PRKN: variants seen among roughly 807,000 people sequenced by gnomAD.
PRKN encodes E3 ubiquitin-protein ligase parkin.
PRKN carries 56 observed loss-of-function variants against 59.5 expected under a neutral mutation model. The ratio of observed to expected loss-of-function variants is 0.94; its 90% CI spans 0.76 to 1.18. The LOEUF (loss-of-function observed/expected upper bound fraction) is 1.18, where lower values mean the gene tolerates loss of function less well. Among genes scored for constraint, PRKN ranks in the 50% most tolerant of loss-of-function variants. The pLI, the probability that PRKN is intolerant of heterozygous loss-of-function variation, is 0.00. For missense variants in PRKN, 657 were observed against 596.4 expected (o/e 1.10, Z -1.06); for synonymous variants, 250 against 222.1 (o/e 1.13, Z -1.12).
intron 7 of PRKN, among the ~76,000 whole-genome samples, chr6:161,640,777 T>C (rs1183043528): frequency 6.6e-6 from 1 of 152,190 alleles, no homozygotes. Flanking sequence ...ACAGAATTGC[T>C]GTATTTTACA....
chr6:161,631,970 A>C (rs891626785), intron 7 of PRKN, among the ~76,000 whole-genome samples: 4 of 152,156 alleles, frequency 2.6e-5, no homozygotes, highest in Non-Finnish European at 5.9e-5. Flanking sequence ...GTCGTTAACT[A>C]TTTCTTGTTG....
intron 1 of PRKN, among the ~76,000 whole-genome samples, chr6:162,663,357 G>C (rs1371311507): frequency 6.6e-6 from 1 of 151,710 alleles, no homozygotes; most frequent in African/African-American, 2.4e-5. Context: ...TGTATGTGGG[G>C]ATGAGCACGT....
At chr6:161,846,986 C>A (rs1018510036) in intron 6 of PRKN, among the ~76,000 whole-genome samples, 4 of 152,100 alleles carry the variant, frequency 2.6e-5, no homozygotes, top group Non-Finnish European at 5.9e-5. Flanking sequence ...TTATTAATCT[C>A]ATCAGAGAGA....
At chr6:162,261,337 A>T (rs1779877622) in intron 3 of PRKN, among the ~76,000 whole-genome samples, 1 of 152,136 alleles carries the variant, frequency 6.6e-6, no homozygotes, top group Non-Finnish European at 1.5e-5. Context: ...AATAATACTT[A>T]TGCTAAAGTG....
chr6:161,773,669 C>T (rs926244298), intron 7 of PRKN, among the ~76,000 whole-genome samples: 1 of 152,126 alleles, frequency 6.6e-6, no homozygotes, highest in African/African-American at 2.4e-5. Context: ...TTTGTGTTTG[C>T]CCTCATAAAA....
chr6:161,567,596 T>C (rs1160533365), intron 8 of PRKN, among the ~76,000 whole-genome samples: 1 of 152,080 alleles, frequency 6.6e-6, no homozygotes, highest in African/African-American at 2.4e-5. Context: ...TGTGTTTGCG[T>C]TTTAGGAAAT....
intron 5 of PRKN, among the ~76,000 whole-genome samples, chr6:162,020,332 CAAAAA>C (rs771141235): frequency 0.01 from 475 of 45,414 alleles, no homozygotes; most frequent in African/African-American, 0.025. Context: ...ACCAATGAAT[CAAAAA>C]AAAAAAAAAA....
chr6:162,090,624 C>T lies in PRKN; in HGVS notation c.535-36450G>A, dbSNP rs940731667. Reference sequence around the variant, plus strand: ...AATTACAAAAGCTCTAGCTACACAACGACATCAAATATACAAGTGTCTAAT... The same window carrying T: ...AATTACAAAAGCTCTAGCTACACAATGACATCAAATATACAAGTGTCTAAT... On this transcript the variant is annotated intron_variant, in intron 4 of 11. Coordinates refer to ENST00000366898, the MANE Select transcript of PRKN (RefSeq NM_004562.3). Among the ~76,000 whole-genome samples the T allele has an allele frequency of 6.6e-5, 10 of 152,240 alleles. No homozygotes were observed. The East Asian group carries it at 1.2e-3, about 18-fold the overall frequency.
intron 1 of PRKN, among the ~76,000 whole-genome samples, chr6:162,551,980 A>T (rs984923356): frequency 6.6e-6 from 1 of 152,222 alleles, no homozygotes; most frequent in African/African-American, 2.4e-5. Flanking sequence ...TAAAACTGAT[A>T]CTGTGGTCAA....
At chr6:161,861,882 G>T (rs187267734) in intron 6 of PRKN, among the ~76,000 whole-genome samples, 1 of 152,264 alleles carries the variant, frequency 6.6e-6, no homozygotes, top group Admixed American at 6.5e-5. Flanking sequence ...TCACAAACTT[G>T]CTGCCTTAAT....
chr6:162,624,010 A>G (rs1342615663), intron 1 of PRKN, among the ~76,000 whole-genome samples: 1 of 152,134 alleles, frequency 6.6e-6, no homozygotes, highest in Admixed American at 6.5e-5. Context: ...GCACTTTGGG[A>G]GGCCGAGGTG....
intron 1 of PRKN, among the ~76,000 whole-genome samples, chr6:162,676,425 T>C (rs1204568056): frequency 6.6e-6 from 1 of 152,196 alleles, no homozygotes; most frequent in African/African-American, 2.4e-5. Context: ...ATTTAAGATT[T>C]CTGAGTTGTC....
At chr6:161,528,458 T>C (rs496759) in intron 9 of PRKN, among the ~76,000 whole-genome samples, 125,540 of 152,012 alleles carry the variant, frequency 0.83, 52,178 homozygotes, top group Middle Eastern at 0.87. Context: ...AGCACCCCAG[T>C]GAAAATGGGA....
intron 7 of PRKN, among the ~76,000 whole-genome samples, chr6:161,675,824 G>A (rs937996700): frequency 4.6e-5 from 7 of 152,168 alleles, no homozygotes; most frequent in Non-Finnish European, 8.8e-5. Context: ...CAGTTCCTGC[G>A]GAAGGCTTTT....
At chr6:162,379,571 T>C (rs986515233) in intron 2 of PRKN, among the ~76,000 whole-genome samples, 1 of 152,182 alleles carries the variant, frequency 6.6e-6, no homozygotes, top group Admixed American at 6.5e-5. Context: ...TCCTCTCCAG[T>C]ATCATTCTGA....
intron 4 of PRKN, among the ~76,000 whole-genome samples, chr6:162,058,082 C>T (rs1777939405): frequency 6.6e-6 from 1 of 152,182 alleles, no homozygotes; most frequent in Non-Finnish European, 1.5e-5. Flanking sequence ...TTTACGGACA[C>T]TACAAATCAG....
intron 1 of PRKN, among the ~76,000 whole-genome samples, chr6:162,664,238 G>A (rs2128228791): frequency 6.6e-6 from 1 of 152,174 alleles, no homozygotes; most frequent in Non-Finnish European, 1.5e-5. Flanking sequence ...CTTTTTTATG[G>A]CTGCATAGTA....
chr6:161,968,378 C>T (rs1313342588), intron 6 of PRKN, among the ~76,000 whole-genome samples: 1 of 151,832 alleles, frequency 6.6e-6, no homozygotes, highest in Non-Finnish European at 1.5e-5. Flanking sequence ...TTCTGTTTAG[C>T]CCTTAGGGAA....
At position 161,445,982 on chromosome 6, in the gene PRKN, C is replaced by A. The variant is rs1216086929; in HGVS notation, c.1084-59105G>T. On this transcript the variant is annotated intron_variant, in intron 9 of 11. Coordinates refer to ENST00000366898, the MANE Select transcript of PRKN (RefSeq NM_004562.3). This position sits in a 1 kb window ranked among gnomAD's most constrained non-coding sequence, Gnocchi z 7.7. ...AGCATAAACAAAGAGGAGAGGCAAA[C>A]TGTTTGAGCCCAGGAGTTTGAGACC... Among the ~76,000 whole-genome samples the A allele has an allele frequency of 6.6e-6, 1 of 151,806 alleles. No homozygotes were observed. Among genetic ancestry groups the A allele is most frequent in the Non-Finnish European group, 1.5e-5 (1 of 67,968 alleles).
Sources: gnomAD v4.1 joint callset for allele counts (sites outside exome capture counted in the v4.1 genomes callset) on GRCh38, gnomAD v4.1.1 for gene constraint, Gnocchi (gnomAD v3.1) non-coding constraint, MANE v1.5 for transcripts, NCBI Gene and HGNC (gene_info 2026-07-23, HGNC 2026-07-21) for gene names.